Variants in ANAPC4 observed in about 807,000 individuals in gnomAD.
ANAPC4 encodes anaphase promoting complex subunit 4, also known as anaphase-promoting complex subunit 4.
In ANAPC4, 63 loss-of-function variants were observed where a neutral mutation model predicts 119.8. The observed-to-expected ratio is 0.53, with a 90% confidence interval of 0.43 to 0.65. ANAPC4 has a LOEUF of 0.65. Ranked by LOEUF, ANAPC4 falls within the 30% of genes least tolerant of loss-of-function variation. ANAPC4 has a pLI of 0.00. For missense variants in ANAPC4, 716 were observed against 945.1 expected, an observed-to-expected ratio of 0.76 and a Z score of 3.18; for synonymous variants, 283 against 318.6, an observed-to-expected ratio of 0.89 and a Z score of 1.19.
At position 25,388,996 on chromosome 4, in the gene ANAPC4, G is replaced by A. The variant is rs1722190659; in HGVS notation, c.515+114G>A. On this transcript the variant is annotated intron_variant, in intron 7 of 28. Transcript: ENST00000315368. Reference sequence around the variant, plus strand: ...TTGCCATTTTATTTCATTGTTTTTTGTTTTTGTTTTCTTTTTGAGATGGAG... The same window carrying A: ...TTGCCATTTTATTTCATTGTTTTTTATTTTTGTTTTCTTTTTGAGATGGAG... 3 of 972,902 alleles carry A rather than the reference G, an allele frequency of 3.1e-6. No homozygotes were observed. In the Admixed American group the frequency reaches 8.4e-5, roughly 27 times the overall value. 60.3% of individuals were successfully genotyped at this position (972,902 alleles called of 1,614,324 possible).
intron 2 of ANAPC4, 45 bp from the exon 3 acceptor site, chr4:25,380,329 G>A (rs768281232): frequency 1.3e-6 from 2 of 1,488,318 alleles, no homozygotes; most frequent in Non-Finnish European, 1.8e-6. Flanking sequence ...TTTATTTTTG[G>A]AAATGAATTT....
In ANAPC4 at chr4:25,396,761, G is replaced by A. The variant is rs535292691; in HGVS notation, c.1159G>A (p.Glu387Lys). 3.1e-6 allele frequency: 5 copies of A among 1,612,614 alleles called. No homozygotes were observed. In the South Asian group the frequency reaches 3.3e-5, roughly 11 times the overall value. The change falls in exon 15 of 29, where the codon GAA becomes AAA. Residue 387 changes from glutamate (E) to lysine (K), a missense_variant. Around this residue, in one of 3 missense-constraint regions of ANAPC4, gnomAD observed 504 missense variants for 615.8 expected, o/e 0.82. Coordinates refer to ENST00000315368, the MANE Select transcript of ANAPC4 (RefSeq NM_013367.3). ...TCTTGGACTAGATGCTGCAGGAATC[G>A]AAGGTAGTGATTTAATTTCTCAGTG... ...EPLGLDAAGI[E>K]EAITAVGSFI...
chr4:25,393,208 G>C (rs1722451532), intron 10 of ANAPC4, among the ~76,000 whole-genome samples: 1 of 152,152 alleles, frequency 6.6e-6, no homozygotes, highest in Admixed American at 6.5e-5. Context: ...TTGACAGTTA[G>C]TGTAGATAAG....
intron 3 of ANAPC4, 113 bp from the exon 4 acceptor site, chr4:25,383,148 A>G (rs891377222): frequency 3.0e-6 from 3 of 997,816 alleles, no homozygotes; most frequent in African/African-American, 3.3e-5. Flanking sequence ...TAGGTCAAAA[A>G]TTGCCATGAT....
intron 21 of ANAPC4, among the ~76,000 whole-genome samples, chr4:25,412,144 G>T (rs927632865): frequency 6.6e-6 from 1 of 152,130 alleles, no homozygotes; most frequent in Non-Finnish European, 1.5e-5. Context: ...TTACCAGTGT[G>T]TTGTAAAGAA....
rs943756714 is a variant in ANAPC4 at position 25,377,300 on chromosome 4, G to A, written c.-55G>A. On this transcript the variant is annotated 5_prime_UTR_variant, in exon 1 of 29. Transcript: ENST00000315368. The stretch of plus-strand genomic sequence containing the variant: ...GCGCGCGGCCGGCAGAGGGAGGGGA[G>A]AGGCCACTGGGGCCGTGTTAGTCTG... The A allele has an allele frequency of 4.7e-5, 61 of 1,308,950 alleles. No individual in the cohort carries two copies. The highest frequency in any genetic ancestry group is 5.8e-5 in the Non-Finnish European group (57 of 975,092). 81.1% of individuals were successfully genotyped at this position (1,308,950 alleles called of 1,614,324 possible).
intron 4 of ANAPC4, among the ~76,000 whole-genome samples, chr4:25,387,962 A>C (rs6448354): frequency 0.44 from 65,664 of 150,940 alleles, 15,786 homozygotes; most frequent in Non-Finnish European, 0.54. Context: ...CCCATCTCTA[A>C]AAAAAAAAAT....
chr4:25,405,575 A>T lies in ANAPC4; in HGVS notation c.1273A>T (p.Met425Leu), dbSNP rs1723203917. 1.2e-6 allele frequency: 2 copies of T among 1,613,354 alleles called. No individual in the cohort carries two copies. The highest frequency in any genetic ancestry group is 2.2e-5 in the East Asian group (1 of 44,838). The change falls in exon 18 of 29, where the codon ATG becomes TTG. Residue 425 changes from methionine (M) to leucine (L), a missense_variant and splice_region_variant. Transcript: ENST00000315368. This position sits in a 1 kb window ranked among gnomAD's most constrained non-coding sequence, Gnocchi z 4.6. ...KAFFRWLYVA[M>L]LRMTEDHVLP... ...GTTTTTTAACTTTGTATTTCCAGCA[A>T]TGTTGAGAATGACAGAAGACCATGT...
chr4:25,417,701 T>A lies in ANAPC4; in HGVS notation c.2161T>A (p.Tyr721Asn). The A allele has an allele frequency of 6.2e-7, 1 of 1,613,406 alleles. No individual in the cohort carries two copies. The highest frequency in any genetic ancestry group is 8.5e-7 in the Non-Finnish European group (1 of 1,179,726). ...WRLLESMKAQ[Y>N]VAGNGFRKVS... ...ATTACTGGAAAGTATGAAAGCACAG[T>A]ATGTTGCTGGGAATGGTTTTCGAAA... Residue 721 changes from tyrosine (Y) to asparagine (N), a missense_variant, in exon 28 of 29, where the codon TAT becomes AAT. Tyr to Asn is a moderately radical substitution (Grantham distance 143, BLOSUM62 -2). Around this residue, in one of 3 missense-constraint regions of ANAPC4, gnomAD observed 504 missense variants for 615.8 expected, o/e 0.82. Coordinates refer to ENST00000315368, the MANE Select transcript of ANAPC4 (RefSeq NM_013367.3).
chr4:25,407,411 T>C (rs1450896019), intron 20 of ANAPC4, among the ~76,000 whole-genome samples, 158 bp downstream of exon 20: 1 of 152,128 alleles, frequency 6.6e-6, no homozygotes, highest in Non-Finnish European at 1.5e-5. Flanking sequence ...CTGAGAACAC[T>C]TTTACATTCT....
At chr4:25,392,195 G>C (rs931612306) in intron 9 of ANAPC4, 143 bp from the exon 10 acceptor site, 2 of 616,832 alleles carry the variant, frequency 3.2e-6, no homozygotes, top group Non-Finnish European at 5.9e-6. Context: ...CTAAGGCTAT[G>C]TGCTGTTTCC....
At chr4:25,389,062 C>T (rs1472290164) in intron 7 of ANAPC4, among the ~76,000 whole-genome samples, 180 bp downstream of exon 7, 1 of 152,142 alleles carries the variant, frequency 6.6e-6, no homozygotes, top group East Asian at 1.9e-4. Flanking sequence ...GTGATATTGG[C>T]TCACTACAAC....
At chr4:25,401,585 C>T (rs1470295207) in intron 16 of ANAPC4, among the ~76,000 whole-genome samples, 1 of 152,206 alleles carries the variant, frequency 6.6e-6, no homozygotes, top group East Asian at 1.9e-4. Context: ...TGGGCTTCTC[C>T]AAGGCGGAGG....
chr4:25,387,774 G>A (rs574509791), intron 4 of ANAPC4, among the ~76,000 whole-genome samples: 5 of 152,290 alleles, frequency 3.3e-5, no homozygotes, highest in African/African-American at 9.6e-5. Context: ...CAAAAGGCAT[G>A]GTGTAGTCTC....
chr4:25,382,107 G>A (rs1052023089), intron 3 of ANAPC4, among the ~76,000 whole-genome samples: 1 of 105,062 alleles, frequency 9.5e-6, no homozygotes, highest in South Asian at 2.9e-4. Flanking sequence ...TTGTTGTATA[G>A]CTTTTTCTTT....
intron 21 of ANAPC4, among the ~76,000 whole-genome samples, chr4:25,411,263 G>A (rs911334811): frequency 3.3e-5 from 5 of 152,164 alleles, no homozygotes; most frequent in African/African-American, 9.7e-5. Context: ...GTGGCAGTGC[G>A]TCAAGAGTAG....
At chr4:25,399,555 G>A (rs1276645407) in intron 16 of ANAPC4, among the ~76,000 whole-genome samples, 1 of 152,010 alleles carries the variant, frequency 6.6e-6, no homozygotes, top group Admixed American at 6.6e-5. Context: ...TAATTGGTAT[G>A]TCCTTCTCAA....
chr4:25,398,395 G>A lies in ANAPC4; in HGVS notation c.1214+1496G>A, dbSNP rs574009414. 4.7e-4 allele frequency among the ~76,000 whole-genome samples: 71 copies of A among 152,272 alleles called. 2 individuals are homozygous for A. The highest frequency in any genetic ancestry group is 3.9e-3 in the South Asian group (19 of 4,828). On this transcript the variant is annotated intron_variant, in intron 16 of 28. Coordinates refer to ENST00000315368, the MANE Select transcript of ANAPC4 (RefSeq NM_013367.3). Reference sequence around the variant, plus strand: ...GGTGAAGTTGGAAGGAGACGGAAGGGAGCAAGCCCTGTTGATATTTGGGGG... The same window carrying A: ...GGTGAAGTTGGAAGGAGACGGAAGGAAGCAAGCCCTGTTGATATTTGGGGG...
chr4:25,383,490 T>C (rs1721862339), intron 4 of ANAPC4, 97 bp downstream of exon 4: 3 of 1,183,900 alleles, frequency 2.5e-6, no homozygotes, highest in Non-Finnish European at 3.3e-6. Context: ...TGTATGTGCG[T>C]TGTATTTAAA....
Sources: allele counts gnomAD v4.1 joint callset (sites outside exome capture counted in the v4.1 genomes callset), GRCh38; gene constraint gnomAD v4.1.1; regional missense constraint gnomAD v4.1.1; non-coding constraint Gnocchi (gnomAD v3.1); transcripts MANE v1.5; gene names NCBI Gene and HGNC (gene_info 2026-07-23, HGNC 2026-07-21).